Variants in CACNA2D1 observed in about 807,000 individuals in gnomAD.
The protein encoded by CACNA2D1 is voltage-dependent calcium channel subunit alpha-2/delta-1.
A neutral mutation model predicts 171.5 loss-of-function variants in CACNA2D1; 53 were observed. The observed-to-expected ratio is 0.31, with a 90% confidence interval of 0.25 to 0.39. The LOEUF (loss-of-function observed/expected upper bound fraction) is 0.39. Among genes scored for constraint, CACNA2D1 ranks in the 10% least tolerant of loss-of-function variants. The pLI is 1.00. For synonymous variants in CACNA2D1, 442 were observed against 443.1 expected, an observed-to-expected ratio of 1.00 and a Z score of 0.03; for missense variants, 903 against 1,299.8, an observed-to-expected ratio of 0.69 and a Z score of 4.69.
At chr7:82,375,219 C>T (rs774658136) in intron 1 of CACNA2D1, among the ~76,000 whole-genome samples, 1 of 152,156 alleles carries the variant, frequency 6.6e-6, no homozygotes, top group Non-Finnish European at 1.5e-5. Flanking sequence ...TGCACACACA[C>T]TGAAACACTG....
intron 1 of CACNA2D1, among the ~76,000 whole-genome samples, chr7:82,368,206 G>T (rs1214338444): frequency 6.6e-6 from 1 of 152,184 alleles, no homozygotes; most frequent in African/African-American, 2.4e-5. Flanking sequence ...GCTCCTCGTA[G>T]CAAGCAGAAA....
At chr7:82,351,960 C>G (rs1819900503) in intron 1 of CACNA2D1, among the ~76,000 whole-genome samples, 1 of 151,640 alleles carries the variant, frequency 6.6e-6, no homozygotes, top group Non-Finnish European at 1.5e-5. Flanking sequence ...TAGCTCGAAA[C>G]TGAGAGGCAA....
chr7:82,285,584 T>C (rs1011600262), intron 3 of CACNA2D1, among the ~76,000 whole-genome samples: 61 of 152,268 alleles, frequency 4.0e-4, no homozygotes, highest in African/African-American at 1.3e-3. Flanking sequence ...ATGGTAGCTT[T>C]GGGTTGCAGC....
At position 82,211,975 on chromosome 7, in the gene CACNA2D1, T is replaced by C. The variant is rs867305311; in HGVS notation, c.295-41366A>G. 3.9e-5 allele frequency among the ~76,000 whole-genome samples: 6 copies of C among 152,336 alleles called. No homozygotes were observed. In the South Asian group the frequency reaches 1.2e-3, roughly 32 times the overall value. ...ATCGTGGTTTTGTTTGCATTTCTGA[T>C]TATTAGTGATGTTGAGCATTGTTAT... is the stretch of plus-strand genomic sequence containing the variant. On this transcript the variant is annotated intron_variant, in intron 3 of 38. Coordinates refer to ENST00000356860, the MANE Select transcript of CACNA2D1 (RefSeq NM_000722.4).
intron 21 of CACNA2D1, among the ~76,000 whole-genome samples, chr7:81,987,546 C>T (rs1320751553): frequency 6.6e-6 from 1 of 152,128 alleles, no homozygotes; most frequent in Non-Finnish European, 1.5e-5. Flanking sequence ...AAATATGGTA[C>T]TTGGATCAAG....
At chr7:82,385,680 T>G (rs779495811) in intron 1 of CACNA2D1, among the ~76,000 whole-genome samples, 5 of 151,124 alleles carry the variant, frequency 3.3e-5, no homozygotes, top group Non-Finnish European at 5.9e-5. Flanking sequence ...GTTTTGTTTT[T>G]TTGAGACAGA....
intron 24 of CACNA2D1, among the ~76,000 whole-genome samples, chr7:81,975,843 A>G (rs1795786170): frequency 6.6e-6 from 1 of 151,980 alleles, no homozygotes; most frequent in Admixed American, 6.6e-5. Flanking sequence ...TTCGTTGGAA[A>G]GCTCAGTTTC....
intron 3 of CACNA2D1, among the ~76,000 whole-genome samples, chr7:82,299,060 C>CAAA (rs11438533): frequency 2.7e-5 from 3 of 111,844 alleles, no homozygotes; most frequent in African/African-American, 6.2e-5. Flanking sequence ...GAGACTCTGT[C>CAAA]AAAAAAAAAA....
At chr7:82,218,268 C>T (rs112289187) in intron 3 of CACNA2D1, among the ~76,000 whole-genome samples, 1,749 of 152,174 alleles carry the variant, frequency 0.011, 14 homozygotes, top group Non-Finnish European at 0.018. Flanking sequence ...CTCAGGAAAA[C>T]GCTTTCAGGC....
chr7:82,229,758 G>A (rs1020204824), intron 3 of CACNA2D1, among the ~76,000 whole-genome samples: 11 of 151,154 alleles, frequency 7.3e-5, no homozygotes, highest in African/African-American at 2.7e-4. Flanking sequence ...TTCAAATTCT[G>A]GGCTCAAGTA....
At chr7:82,195,964 C>A (rs949588189) in intron 3 of CACNA2D1, among the ~76,000 whole-genome samples, 3 of 151,996 alleles carry the variant, frequency 2.0e-5, no homozygotes, top group African/African-American at 2.4e-5. Context: ...TGCAGAAATT[C>A]CCACTTTGGG....
At chr7:82,112,965 G>A (rs1365091982) in intron 6 of CACNA2D1, among the ~76,000 whole-genome samples, 1 of 152,150 alleles carries the variant, frequency 6.6e-6, no homozygotes, top group Non-Finnish European at 1.5e-5. Context: ...TAAAGCATAT[G>A]AGACATCAAA....
intron 1 of CACNA2D1, among the ~76,000 whole-genome samples, chr7:82,442,246 C>G (rs146618304): frequency 3.3e-5 from 5 of 152,164 alleles, no homozygotes; most frequent in African/African-American, 9.7e-5. Flanking sequence ...CCACCAAAAA[C>G]TCCTGTATTC....
At chr7:82,322,477 A>T (rs1816115262) in intron 3 of CACNA2D1, among the ~76,000 whole-genome samples, 1 of 151,200 alleles carries the variant, frequency 6.6e-6, no homozygotes, top group Admixed American at 6.6e-5. Context: ...AAAAATTAAA[A>T]TTAGCCAGAC....
At chr7:82,073,732 C>T (rs1363316275) in intron 7 of CACNA2D1, among the ~76,000 whole-genome samples, 1 of 152,110 alleles carries the variant, frequency 6.6e-6, no homozygotes, top group Non-Finnish European at 1.5e-5. Context: ...TACCGAGTAG[C>T]TGGGATTACA....
At chr7:82,094,595 G>A (rs1287789115) in intron 6 of CACNA2D1, among the ~76,000 whole-genome samples, 1 of 152,120 alleles carries the variant, frequency 6.6e-6, no homozygotes, top group African/African-American at 2.4e-5. Context: ...TTACTCAGCA[G>A]ATCTTAATAC....
intron 28 of CACNA2D1, among the ~76,000 whole-genome samples, chr7:81,969,243 C>A (rs1034783665): frequency 6.6e-6 from 1 of 151,394 alleles, no homozygotes; most frequent in Non-Finnish European, 1.5e-5. Flanking sequence ...CATGCCAAAT[C>A]TCTACTTCAC....
Position 81,974,540 on chromosome 7 carries a change from A to G in CACNA2D1, c.1968T>C (p.Asn656=). 6.6e-7 allele frequency: 1 copy of G among 1,511,678 alleles called. No individual in the cohort carries two copies. Among genetic ancestry groups the G allele is most frequent in the Non-Finnish European group, 9.2e-7 (1 of 1,089,710 alleles). The allele number at this position is 1,511,678 out of a possible 1,614,324, so 93.6% of individuals were successfully genotyped here. ...TGTTATTATCCGATATTTTCAGGTC[A>G]TTGCAGTAATCTCTGAAAAAAAAAC... ...YTFIAPRDYC[N]DLKISDNNTE... is the part of the protein sequence containing the mutation. The change falls in exon 25 of 39, where the codon AAT becomes AAC. Residue 656 remains asparagine, a synonymous_variant. Coordinates refer to ENST00000356860, the MANE Select transcript of CACNA2D1 (RefSeq NM_000722.4).
chr7:82,338,018 A>T (rs79249633), intron 2 of CACNA2D1, among the ~76,000 whole-genome samples: 1,749 of 152,290 alleles, frequency 0.011, 41 homozygotes, highest in African/African-American at 0.04. Context: ...AAAAACCATA[A>T]TCTATGTTCT....
Sources: gnomAD v4.1 joint callset for allele counts (sites outside exome capture counted in the v4.1 genomes callset) on GRCh38, gnomAD v4.1.1 for gene constraint, MANE v1.5 for transcripts, NCBI Gene and HGNC (gene_info 2026-07-23, HGNC 2026-07-21) for gene names.